The following TANGO2 variants were observed in gnomAD, a reference collection of about 807,000 sequenced individuals.
TANGO2 encodes transport and golgi organization 2 homolog, also known as transport and Golgi organization protein 2 homolog.
TANGO2 carries 26 observed loss-of-function variants against 39.1 expected under a neutral mutation model. That is an observed-to-expected ratio of 0.67 (90% CI 0.49 to 0.92). TANGO2 has a LOEUF of 0.92. Ranked by LOEUF, TANGO2 falls within the 40% of genes least tolerant of loss-of-function variation. The probability of loss-of-function intolerance (pLI) is 0.00; values close to 1 mark genes in which losing one functional copy is unlikely to be tolerated. For synonymous variants in TANGO2, 131 were observed against 144.5 expected, an observed-to-expected ratio of 0.91 and a Z score of 0.67; for missense variants, 326 against 360.1, an observed-to-expected ratio of 0.91 and a Z score of 0.77.
chr22:20,059,891 A>G lies in TANGO2; in HGVS notation c.452-1639A>G, dbSNP rs12157915. On this transcript the variant is annotated intron_variant, in intron 6 of 8. Coordinates refer to ENST00000327374, the MANE Select transcript of TANGO2 (RefSeq NM_152906.7). ...ATCTAAGGTCATGAAGCTTTCCCCA[A>G]TACTTTCTTCTTAGAGTTTTATAGC... Among the ~76,000 whole-genome samples, 1,015 of 151,546 alleles carry G rather than the reference A, an allele frequency of 6.7e-3. 20 individuals carry two copies. The highest frequency in any genetic ancestry group is 0.023 in the African/African-American group (934 of 41,332).
chr22:20,030,150 C>CTTT (rs66601369), intron 1 of TANGO2, among the ~76,000 whole-genome samples: 5 of 123,846 alleles, frequency 4.0e-5, no homozygotes, highest in African/African-American at 9.3e-5. Flanking sequence ...TAAGCAGTTG[C>CTTT]TTTTTTTTTT....
chr22:20,046,014 C>T (rs1337598428), intron 3 of TANGO2, among the ~76,000 whole-genome samples: 2 of 152,064 alleles, frequency 1.3e-5, no homozygotes, highest in African/African-American at 4.8e-5. Flanking sequence ...GTGGTTCTTG[C>T]CCCAGTGTCA....
chr22:20,047,987 C>G (rs1244081108), intron 3 of TANGO2: 2 of 150,676 alleles, frequency 1.3e-5, no homozygotes, highest in Admixed American at 6.6e-5. Flanking sequence ...TGCAATGGTG[C>G]GATCTCGGCT....
chr22:20,046,155 T>A (rs2045141579), intron 3 of TANGO2, among the ~76,000 whole-genome samples: 1 of 151,182 alleles, frequency 6.6e-6, no homozygotes, highest in African/African-American at 2.4e-5. Flanking sequence ...AATTTTTTTC[T>A]TTTTTTTTGA....
rs896249235 is a variant in TANGO2 at position 20,043,393 on chromosome 22, G to A, written c.95G>A (p.Arg32Gln). Residue 32 changes from arginine (R) to glutamine (Q), a missense_variant, in exon 3 of 9, where the codon CGA (arginine) becomes CAA (glutamine). By Grantham distance (43) the Arg-to-Gln change is conservative (BLOSUM62 1). Transcript: ENST00000327374. ...LAANRDEFYSRPSKLADFWGN... is the reference protein window; with the variant it reads ...LAANRDEFYSQPSKLADFWGN... Reference sequence around the variant, plus strand: ...GCCAACAGGGATGAATTCTACAGCCGACCCTCCAAGTTAGCTGACTTCTGG... The same window carrying A: ...GCCAACAGGGATGAATTCTACAGCCAACCCTCCAAGTTAGCTGACTTCTGG... 1 of 1,613,624 alleles carries A rather than the reference G, an allele frequency of 6.2e-7. No homozygotes were observed. The highest frequency in any genetic ancestry group is 2.2e-5 in the East Asian group (1 of 44,862).
chr22:20,064,385 C>T (rs1019709067), intron 8 of TANGO2, among the ~76,000 whole-genome samples, 157 bp from the exon 9 acceptor site: 2 of 152,230 alleles, frequency 1.3e-5, no homozygotes, highest in Non-Finnish European at 2.9e-5. Flanking sequence ...CCCTCATCAT[C>T]CCCAAGACTG....
intron 3 of TANGO2, among the ~76,000 whole-genome samples, chr22:20,048,709 C>T (rs1002539557): frequency 6.6e-6 from 1 of 151,566 alleles, no homozygotes; most frequent in African/African-American, 2.4e-5. Flanking sequence ...TACAGTGGTG[C>T]GATCTCAGCT....
intron 1 of TANGO2, among the ~76,000 whole-genome samples, chr22:20,023,620 C>T (rs1362979840): frequency 2.0e-5 from 3 of 151,892 alleles, no homozygotes; most frequent in Non-Finnish European, 4.4e-5. Context: ...TTTGGGAGGC[C>T]GAGGCGGGTG....
intron 6 of TANGO2, chr22:20,056,520 C>G (rs1180400058): frequency 2.2e-6 from 1 of 456,816 alleles, no homozygotes; most frequent in Admixed American, 2.4e-5. Flanking sequence ...CACTCCACGG[C>G]TGGGCCCTTC....
At position 20,040,420 on chromosome 22, in the gene TANGO2, G is replaced by C. The variant is rs546363548; in HGVS notation, c.57-2935G>C. Among the ~76,000 whole-genome samples, 6 of 152,290 alleles carry C rather than the reference G, an allele frequency of 3.9e-5. No homozygotes were observed. The East Asian group carries it at 1.2e-3, about 29-fold the overall frequency. Reference sequence around the variant, plus strand: ...AAGCCAACAGCCCCAGCCTGGTTTGGGGCTGGACTGGGATGAGGTGTCCCT... The same window carrying C: ...AAGCCAACAGCCCCAGCCTGGTTTGCGGCTGGACTGGGATGAGGTGTCCCT... On this transcript the variant is annotated intron_variant, in intron 2 of 8. Coordinates refer to ENST00000327374, the MANE Select transcript of TANGO2 (RefSeq NM_152906.7).
upstream of TANGO2, chr22:20,020,982 C>T (rs1394183245): frequency 2.0e-5 from 3 of 151,996 alleles, no homozygotes; most frequent in African/African-American, 7.2e-5. Flanking sequence ...CGACAGCGCG[C>T]CCAGCCAACG....
At chr22:20,059,014 G>A (rs2047891604) in intron 6 of TANGO2, among the ~76,000 whole-genome samples, 1 of 152,202 alleles carries the variant, frequency 6.6e-6, no homozygotes, top group African/African-American at 2.4e-5. Flanking sequence ...CAGTTGGAGT[G>A]CAGCCTCTAT....
At chr22:20,055,709 G>T in intron 5 of TANGO2, 1 of 588,560 alleles carries the variant, frequency 1.7e-6, no homozygotes, top group Non-Finnish European at 3.0e-6. Flanking sequence ...CTCCTGGGCT[G>T]GTGGGCCCCG....
chr22:20,060,518 G>A (rs1309080743), intron 6 of TANGO2, among the ~76,000 whole-genome samples: 1 of 152,110 alleles, frequency 6.6e-6, no homozygotes, highest in Non-Finnish European at 1.5e-5. Context: ...TCCTGCCCCA[G>A]CCTCCCGATG....
At chr22:20,021,815 G>A (rs890884968) in intron 1 of TANGO2, among the ~76,000 whole-genome samples, 1 of 152,226 alleles carries the variant, frequency 6.6e-6, no homozygotes, top group Admixed American at 6.5e-5. Flanking sequence ...ACAGAGGGCT[G>A]TTTGCTGAGA....
At chr22:20,027,003 G>A (rs2040890326) in intron 1 of TANGO2, among the ~76,000 whole-genome samples, 2 of 152,118 alleles carry the variant, frequency 1.3e-5, no homozygotes, top group African/African-American at 4.8e-5. Context: ...GGTTTAATTG[G>A]CTCTCGGTTC....
chr22:20,048,600 C>T (rs1340697274), intron 3 of TANGO2, among the ~76,000 whole-genome samples: 7 of 151,730 alleles, frequency 4.6e-5, no homozygotes, highest in African/African-American at 1.7e-4. Flanking sequence ...GATATGAGTC[C>T]TTTGTGCCTA....
chr22:20,045,844 T>G (rs746279412), intron 3 of TANGO2, among the ~76,000 whole-genome samples: 2 of 151,936 alleles, frequency 1.3e-5, no homozygotes, highest in African/African-American at 4.8e-5. Context: ...TCTCTCTCAC[T>G]CTCTCCTTCT....
At chr22:20,025,592 C>T (rs1006874046) in intron 1 of TANGO2, among the ~76,000 whole-genome samples, 3 of 152,158 alleles carry the variant, frequency 2.0e-5, no homozygotes, top group Non-Finnish European at 2.9e-5. Flanking sequence ...GGTGGCCCTG[C>T]CCTGCCTCCT....
Sources: gnomAD v4.1 joint callset for allele counts (sites outside exome capture counted in the v4.1 genomes callset) on GRCh38, gnomAD v4.1.1 for gene constraint, MANE v1.5 for transcripts, NCBI Gene and HGNC (gene_info 2026-07-23, HGNC 2026-07-21) for gene names.